ARB2A: variants seen among roughly 807,000 people sequenced by gnomAD.
The protein encoded by ARB2A is ARB2 cotranscriptional regulator A.
chr5:93,880,743 C>T, the ARB2A span, among the ~76,000 whole-genome samples: 4 of 151,614 alleles, frequency 2.6e-5, no homozygotes, highest in Admixed American at 2.6e-4. Flanking sequence ...ATTGTTTGTG[C>T]CCCCTACAGA....
chr5:94,004,356 C>T, the ARB2A span, among the ~76,000 whole-genome samples: 7 of 151,664 alleles, frequency 4.6e-5, no homozygotes, highest in African/African-American at 1.7e-4. Context: ...CTGAGGCAGG[C>T]GGATCACAAG....
the ARB2A span, among the ~76,000 whole-genome samples, chr5:93,983,220 T>A: frequency 7.6e-6 from 1 of 131,600 alleles, no homozygotes; most frequent in East Asian, 2.3e-4. Flanking sequence ...TGTGTGTGTG[T>A]GTGTGTGTGT....
chr5:93,863,567 C>T, the ARB2A span: 2 of 151,986 alleles, frequency 1.3e-5, no homozygotes, highest in African/African-American at 4.8e-5. Flanking sequence ...CTGCACCTGT[C>T]TGAGTGGCTT....
At chr5:93,718,170 G>A in the ARB2A span, among the ~76,000 whole-genome samples, 2 of 151,946 alleles carry the variant, frequency 1.3e-5, no homozygotes, top group Admixed American at 6.5e-5. Context: ...GGCTGGGCGC[G>A]GTGGCTCACA....
the ARB2A span, among the ~76,000 whole-genome samples, chr5:94,023,666 C>T: frequency 4.6e-5 from 7 of 152,128 alleles, no homozygotes; most frequent in East Asian, 3.9e-4. Context: ...ACTCCAGTAA[C>T]GTACCAGTAT....
chr5:94,105,613 C>T, the ARB2A span, among the ~76,000 whole-genome samples: 1 of 151,852 alleles, frequency 6.6e-6, no homozygotes, highest in Non-Finnish European at 1.5e-5. Flanking sequence ...ACATTTTTCA[C>T]AGAACTAGAA....
the ARB2A span, among the ~76,000 whole-genome samples, chr5:93,827,059 A>T: frequency 6.6e-6 from 1 of 151,950 alleles, no homozygotes; most frequent in East Asian, 1.9e-4. Flanking sequence ...TAAACATACA[A>T]GTGCATGTGT....
At chr5:93,988,706 T>C in the ARB2A span, among the ~76,000 whole-genome samples, 3 of 152,112 alleles carry the variant, frequency 2.0e-5, no homozygotes, top group African/African-American at 7.2e-5. Flanking sequence ...TCTGAGTAAA[T>C]AGTAATAATA....
chr5:93,922,664 AAGGGAGGGAGGGAGGG>A, the ARB2A span, among the ~76,000 whole-genome samples: 5 of 31,776 alleles, frequency 1.6e-4, no homozygotes, highest in Non-Finnish European at 2.2e-4. Flanking sequence ...GGGAGGGAGG[AAGGGAGGGAGGGAGGG>A]AGGGAGGGAG....
the ARB2A span, chr5:93,881,539 CTTCT>C: frequency 3.7e-6 from 6 of 1,610,908 alleles, no homozygotes; most frequent in South Asian, 4.4e-5. Flanking sequence ...AATCACGTCG[CTTCT>C]TTGTTTCTTT....
chr5:93,929,055 A>G, the ARB2A span, among the ~76,000 whole-genome samples: 3 of 152,088 alleles, frequency 2.0e-5, no homozygotes, highest in Non-Finnish European at 2.9e-5. Context: ...AGGTAGGAAA[A>G]TGCTTAATTG....
chr5:93,781,650 C>A, the ARB2A span, among the ~76,000 whole-genome samples: 1 of 151,800 alleles, frequency 6.6e-6, no homozygotes, highest in Non-Finnish European at 1.5e-5. Context: ...TACATTCCCA[C>A]CAACAGTGTA....
the ARB2A span, chr5:93,621,167 G>C: frequency 3.1e-5 from 48 of 1,549,744 alleles, no homozygotes; most frequent in African/African-American, 5.6e-4. Flanking sequence ...AGGTGGCCAC[G>C]CGGGGCCAGG....
At chr5:93,916,622 T>G in the ARB2A span, among the ~76,000 whole-genome samples, 1 of 152,158 alleles carries the variant, frequency 6.6e-6, no homozygotes, top group Non-Finnish European at 1.5e-5. Context: ...AGAGTCTCTG[T>G]CTTGGCTTCT....
chr5:94,023,595 G>A, the ARB2A span, among the ~76,000 whole-genome samples: 14 of 152,154 alleles, frequency 9.2e-5, no homozygotes, highest in Admixed American at 6.5e-4. Flanking sequence ...GCATCAATTT[G>A]GAGACATTTT....
the ARB2A span, chr5:93,621,077 T>C: frequency 5.0e-6 from 8 of 1,611,900 alleles, no homozygotes; most frequent in East Asian, 4.5e-5. Context: ...CGGTAAAGAA[T>C]TTGAAAATAG....
the ARB2A span, among the ~76,000 whole-genome samples, chr5:93,673,555 A>C: frequency 6.6e-6 from 1 of 152,200 alleles, no homozygotes; most frequent in Admixed American, 6.5e-5. Context: ...CGTTTAAAGA[A>C]TGTATTTTGC....
At chr5:93,819,519 G>A in the ARB2A span, among the ~76,000 whole-genome samples, 5 of 152,154 alleles carry the variant, frequency 3.3e-5, no homozygotes, top group South Asian at 2.1e-4. Flanking sequence ...AGTTTTTCTT[G>A]CTTACTTCCC....
chr5:94,094,475 A>G, the ARB2A span, among the ~76,000 whole-genome samples: 159 of 152,332 alleles, frequency 1.0e-3, 3 homozygotes, highest in East Asian at 0.029. Context: ...GTTTCAACAT[A>G]CAAATTGGAG....
Sources: gnomAD v4.1 joint callset for allele counts (sites outside exome capture counted in the v4.1 genomes callset) on GRCh38, gnomAD v4.1.1 for gene constraint, MANE v1.5 for transcripts, NCBI Gene and HGNC (gene_info 2026-07-23, HGNC 2026-07-21) for gene names.